Variants in SNTG1 observed in about 807,000 individuals in gnomAD.
SNTG1 encodes the protein gamma-1-syntrophin.
In SNTG1, 39 loss-of-function variants were observed where a neutral mutation model predicts 74.7. The ratio of observed to expected loss-of-function variants is 0.52; its 90% CI spans 0.40 to 0.68. The LOEUF is 0.68. Among genes scored for constraint, SNTG1 ranks in the 30% least tolerant of loss-of-function variants. The probability of loss-of-function intolerance (pLI) is 0.00; values close to 1 mark genes in which losing one functional copy is unlikely to be tolerated. For missense variants in SNTG1, 685 were observed against 609.5 expected (o/e 1.12, Z -1.30); for synonymous variants, 254 against 217.1 (o/e 1.17, Z -1.49).
chr8:50,719,080 A>G (rs751624811), intron 17 of SNTG1, among the ~76,000 whole-genome samples: 1 of 152,224 alleles, frequency 6.6e-6, no homozygotes, highest in African/African-American at 2.4e-5. Context: ...CAGAAAATTG[A>G]TAATACAAAT....
At chr8:50,105,114 T>C (rs2080313958) in intron 1 of SNTG1, among the ~76,000 whole-genome samples, 1 of 151,922 alleles carries the variant, frequency 6.6e-6, no homozygotes, top group African/African-American at 2.4e-5. Context: ...ATCTTTGCCA[T>C]ATCCTACATC....
intron 1 of SNTG1, among the ~76,000 whole-genome samples, chr8:49,958,453 G>A (rs550098188): frequency 2.7e-5 from 4 of 150,008 alleles, no homozygotes; most frequent in South Asian, 2.1e-4. Flanking sequence ...AGACAGTCTC[G>A]CTCTGTAGCC....
chr8:50,064,666 C>T (rs1820759317), intron 1 of SNTG1, among the ~76,000 whole-genome samples: 1 of 152,184 alleles, frequency 6.6e-6, no homozygotes, highest in African/African-American at 2.4e-5. Context: ...AATATGGGTT[C>T]CTGTGGCTCT....
intron 1 of SNTG1, among the ~76,000 whole-genome samples, chr8:50,136,848 G>C (rs1160717398): frequency 6.6e-6 from 1 of 152,064 alleles, no homozygotes; most frequent in Admixed American, 6.6e-5. Context: ...GTCAGGGTTG[G>C]GACCCATGGT....
At chr8:50,451,249 A>C (rs2131627152) in intron 8 of SNTG1, among the ~76,000 whole-genome samples, 1 of 152,354 alleles carries the variant, frequency 6.6e-6, no homozygotes, top group African/African-American at 2.4e-5. Flanking sequence ...GCATTATATT[A>C]GATATTGCAA....
At chr8:50,740,547 TA>T (rs1225879398) in intron 17 of SNTG1, among the ~76,000 whole-genome samples, 7 of 152,044 alleles carry the variant, frequency 4.6e-5, no homozygotes, top group Non-Finnish European at 1.0e-4. Context: ...GGTGGGAGTA[TA>T]AATTAGTTTA....
intron 2 of SNTG1, among the ~76,000 whole-genome samples, chr8:50,311,824 C>G (rs1364958027): frequency 6.6e-6 from 1 of 152,040 alleles, no homozygotes; most frequent in East Asian, 1.9e-4. Context: ...TTGACTGACC[C>G]AAGAGTAATG....
At chr8:50,736,392 A>T (rs758282521) in intron 17 of SNTG1, among the ~76,000 whole-genome samples, 36 of 152,242 alleles carry the variant, frequency 2.4e-4, no homozygotes, top group South Asian at 1.2e-3. Flanking sequence ...TCCTAAATAT[A>T]TGCACCCAAT....
At chr8:50,003,109 C>T (rs576413362) in intron 1 of SNTG1, among the ~76,000 whole-genome samples, 2 of 152,196 alleles carry the variant, frequency 1.3e-5, no homozygotes, top group South Asian at 2.1e-4. Flanking sequence ...AATAGGCAGT[C>T]ATATCTACTG....
intron 2 of SNTG1, among the ~76,000 whole-genome samples, chr8:50,376,756 T>TATATATATATATAGAGAGAGAGAG (rs1381048539): frequency 7.8e-5 from 7 of 89,984 alleles, no homozygotes; most frequent in Admixed American, 2.5e-4. Flanking sequence ...TATATATATA[T>TATATATATATATAGAGAGAGAGAG]AGAGAGAGAG....
In SNTG1 at chr8:50,792,678, A is replaced by G; in HGVS notation, c.1403A>G (p.Glu468Gly). The change falls in exon 19 of 19, where the codon GAA (glutamate) becomes GGA (glycine). Residue 468 changes from glutamate to glycine, a missense_variant. Coordinates refer to ENST00000642720, the MANE Select transcript of SNTG1 (RefSeq NM_018967.5). ...DTKQIEAKEL[E>G]FSNLFAVLHC... ...TTTCTCTTTCCCTTTCAGGAGTTGGAATTTTCTAATTTATTTGCTGTTCTT... is the reference window on the plus strand; with the variant it reads ...TTTCTCTTTCCCTTTCAGGAGTTGGGATTTTCTAATTTATTTGCTGTTCTT... 6.2e-7 allele frequency: 1 copy of G among 1,607,130 alleles called. No homozygotes were observed.
At chr8:50,195,126 T>A (rs1411878920) in intron 2 of SNTG1, among the ~76,000 whole-genome samples, 3 of 152,046 alleles carry the variant, frequency 2.0e-5, no homozygotes, top group African/African-American at 7.2e-5. Context: ...GTGGCTGCTG[T>A]GGAGAATGCA....
At chr8:50,326,054 A>T (rs1254548232) in intron 2 of SNTG1, among the ~76,000 whole-genome samples, 1 of 152,052 alleles carries the variant, frequency 6.6e-6, no homozygotes, top group Non-Finnish European at 1.5e-5. Context: ...ATGATGAAAC[A>T]GCTTTGGAGC....
At chr8:50,662,338 C>T (rs1028101848) in intron 15 of SNTG1, among the ~76,000 whole-genome samples, 1 of 152,164 alleles carries the variant, frequency 6.6e-6, no homozygotes, top group African/African-American at 2.4e-5. Context: ...CATAATGAAG[C>T]TACACCAGTA....
Position 50,795,905 on chromosome 8 carries a change from C to A in SNTG1, c.*3076C>A, listed in dbSNP as rs1018186153. 5 of 151,980 alleles carry A rather than the reference C, an allele frequency of 3.3e-5. No homozygotes were observed. Among genetic ancestry groups the A allele is most frequent in the Non-Finnish European group, 7.4e-5 (5 of 67,952 alleles). The allele number at this position is 151,980 out of a possible 1,614,324, so 9.4% of individuals were successfully genotyped here. A position where few individuals can be genotyped will look rare whatever the true frequency, so the allele number is the denominator to read the frequency against. On this transcript the variant is annotated 3_prime_UTR_variant, in exon 19 of 19. Transcript: ENST00000642720. ...TGGGAGGATAATCAGGTAATTATTT[C>A]TTGCCCATATTTCAGGCATGTACCA... is the stretch of plus-strand genomic sequence containing the variant.
intron 2 of SNTG1, among the ~76,000 whole-genome samples, chr8:50,340,067 T>A (rs1180030443): frequency 6.6e-6 from 1 of 151,922 alleles, no homozygotes; most frequent in African/African-American, 2.4e-5. Flanking sequence ...AAGAAAGACA[T>A]TAAAGAAGAT....
chr8:50,693,304 C>T (rs1163820266), intron 15 of SNTG1, among the ~76,000 whole-genome samples: 1 of 152,110 alleles, frequency 6.6e-6, no homozygotes, highest in Non-Finnish European at 1.5e-5. Flanking sequence ...GAACCTGGTA[C>T]CTCAGTTGGA....
intron 12 of SNTG1, among the ~76,000 whole-genome samples, chr8:50,583,394 CAAAA>C (rs58794829): frequency 1.2e-5 from 1 of 82,426 alleles, no homozygotes; most frequent in Non-Finnish European, 2.3e-5. Context: ...GAGTGAGACT[CAAAA>C]AAAAAAAAAA....
At chr8:50,777,236 A>G (rs981270266) in intron 18 of SNTG1, among the ~76,000 whole-genome samples, 1 of 146,570 alleles carries the variant, frequency 6.8e-6, no homozygotes, top group Admixed American at 6.9e-5. Context: ...TATATATATA[A>G]TAATATAATA....
Sources: allele counts gnomAD v4.1 joint callset (sites outside exome capture counted in the v4.1 genomes callset), GRCh38; gene constraint gnomAD v4.1.1; transcripts MANE v1.5; gene names NCBI Gene and HGNC (gene_info 2026-07-23, HGNC 2026-07-21).